The following DSCAML1 variants were observed in gnomAD, a reference collection of about 807,000 sequenced individuals.
The protein encoded by DSCAML1 is cell adhesion molecule DSCAML1.
In DSCAML1, 38 loss-of-function variants were observed where a neutral mutation model predicts 200.5. The observed-to-expected ratio is 0.19, with a 90% CI of 0.15 to 0.25. The LOEUF (loss-of-function observed/expected upper bound fraction) is 0.25, where lower values mean the gene tolerates loss of function less well. Among genes scored for constraint, DSCAML1 ranks in the 10% least tolerant of loss-of-function variants. DSCAML1 has a pLI of 1.00. For synonymous variants in DSCAML1, 1,215 were observed against 1,165.0 expected (o/e 1.04, Z -0.87); for missense variants, 2,223 against 2,858.8 (o/e 0.78, Z 5.07).
At position 117,807,394 on chromosome 11, in the gene DSCAML1, G is replaced by C. The variant is rs897298443; in HGVS notation, c.-250+9996C>G. 2.6e-5 allele frequency among the ~76,000 whole-genome samples: 4 copies of C among 152,170 alleles called. No homozygotes were observed. The East Asian group carries it at 5.8e-4, about 22-fold the overall frequency. Reference sequence around the variant, plus strand: ...CCAGTACCTACTTCAGAATGATTTGGGGGGTGGGAGATCTCCTCTGCCTGG... The same window carrying C: ...CCAGTACCTACTTCAGAATGATTTGCGGGGTGGGAGATCTCCTCTGCCTGG... On this transcript the variant is annotated intron_variant, in intron 1 of 2. Transcript: ENST00000525836.
chr11:117,720,141 G>A (rs2054018015), intron 3 of DSCAML1, among the ~76,000 whole-genome samples: 1 of 152,074 alleles, frequency 6.6e-6, no homozygotes, highest in African/African-American at 2.4e-5. Flanking sequence ...GGCATGCCCA[G>A]AATAGGAGCA....
Position 117,480,486 on chromosome 11 carries a change from G to C in DSCAML1, c.2742C>G (p.Asn914Lys). 1 of 1,612,902 alleles carries C rather than the reference G, an allele frequency of 6.2e-7. No individual in the cohort carries two copies. The highest frequency in any genetic ancestry group is 8.5e-7 in the Non-Finnish European group (1 of 1,179,586). Residue 914 changes from asparagine (N) to lysine (K), a missense_variant, in exon 14 of 33, where the codon AAC (asparagine) becomes AAG (lysine). Physicochemically the swap from Asn to Lys is moderately conservative, Grantham distance 94 (BLOSUM62 0). This residue lies in a region of DSCAML1 where 438 missense variants were observed against 629.7 expected (regional missense o/e 0.70). Coordinates refer to ENST00000651296, the MANE Select transcript of DSCAML1 (RefSeq NM_020693.4). This position sits in a 1 kb window ranked among gnomAD's most constrained non-coding sequence, Gnocchi z 4.1. ...CAATGTCGAAGCCCGTGATGATGCT[G>C]TTCCCGTCGAATCGCTGGGTCCAGC... Reference protein sequence around the residue: ...NLRWTQRFDGNSIITGFDIEY... With the variant: ...NLRWTQRFDGKSIITGFDIEY...
intron 1 of DSCAML1, among the ~76,000 whole-genome samples, chr11:117,808,441 T>G (rs1258808253): frequency 6.6e-6 from 1 of 152,112 alleles, no homozygotes; most frequent in Non-Finnish European, 1.5e-5. Context: ...TGCTATCCCC[T>G]GAGAGCATTT....
chr11:117,670,748 T>C (rs2053088346), intron 3 of DSCAML1, among the ~76,000 whole-genome samples: 1 of 152,180 alleles, frequency 6.6e-6, no homozygotes, highest in South Asian at 2.1e-4. Flanking sequence ...ACTTCTATTG[T>C]AGTCCGGTTT....
chr11:117,781,054 T>C (rs1382628748), intron 1 of DSCAML1, among the ~76,000 whole-genome samples: 2 of 152,120 alleles, frequency 1.3e-5, no homozygotes, highest in Non-Finnish European at 1.5e-5. Flanking sequence ...TCCAGCACTT[T>C]GGGAGGCCGA....
At chr11:117,816,791 G>A (rs1356580407) in intron 1 of DSCAML1, among the ~76,000 whole-genome samples, 1 of 107,138 alleles carries the variant, frequency 9.3e-6, no homozygotes, top group Non-Finnish European at 2.1e-5. Context: ...AGAGAGTTCG[G>A]AATTGCTGGG....
chr11:117,769,540 TA>T (rs368897521), intron 3 of DSCAML1, among the ~76,000 whole-genome samples: 4,972 of 10,306 alleles, frequency 0.48, 734 homozygotes, highest in South Asian at 0.59. Flanking sequence ...TTATATATAT[TA>T]TATATTTTAT....
At chr11:117,669,056 A>C (rs2282549) in intron 3 of DSCAML1, among the ~76,000 whole-genome samples, 20,109 of 152,078 alleles carry the variant, frequency 0.13, 1,480 homozygotes, top group East Asian at 0.33. Flanking sequence ...CACTCCTATG[A>C]ATATATTTGT....
chr11:117,775,456 G>T (rs1341981089), intron 3 of DSCAML1, among the ~76,000 whole-genome samples: 5 of 152,122 alleles, frequency 3.3e-5, no homozygotes, highest in African/African-American at 1.2e-4. Flanking sequence ...TTTTACAAAA[G>T]ACAGGAGGAG....
At chr11:117,704,285 T>A (rs867804243) in intron 3 of DSCAML1, among the ~76,000 whole-genome samples, 2 of 152,096 alleles carry the variant, frequency 1.3e-5, no homozygotes, top group Admixed American at 6.5e-5. Context: ...CTCAGACTTA[T>A]TCCTTGAAAA....
In DSCAML1 at chr11:117,518,321, A is replaced by G; in HGVS notation, c.1510+145T>C. 7.2e-6 allele frequency: 8 copies of G among 1,108,456 alleles called. No individual in the cohort carries two copies. Among genetic ancestry groups the G allele is most frequent in the South Asian group, 1.4e-5 (1 of 71,084 alleles). 68.7% of individuals were successfully genotyped at this position (1,108,456 alleles called of 1,614,324 possible). A position where few individuals can be genotyped will look rare whatever the true frequency, so the allele number is the denominator to read the frequency against. On this transcript the variant is annotated intron_variant, in intron 7 of 32. Coordinates refer to ENST00000651296, the MANE Select transcript of DSCAML1 (RefSeq NM_020693.4). This position sits in a 1 kb window ranked among gnomAD's most constrained non-coding sequence, Gnocchi z 6.3. ...GATGGCGCTTGAGGAGGGCAGGAAA[A>G]GGGGACGAGAGAGGGGAGAGAGACC...
chr11:117,561,749 G>GC (rs1245917716), intron 3 of DSCAML1, among the ~76,000 whole-genome samples: 2 of 152,340 alleles, frequency 1.3e-5, no homozygotes, highest in African/African-American at 4.8e-5. Flanking sequence ...AGGGCAGGAT[G>GC]CCCCTCGTAC....
rs768048005 is a variant in DSCAML1, at chr11:117,431,757, C to A, written c.5180-29G>T. 20 of 1,503,390 alleles carry A rather than the reference C, an allele frequency of 1.3e-5. No individual in the cohort carries two copies. The South Asian group carries it at 2.4e-4, about 18-fold the overall frequency. The allele number at this position is 1,503,390 out of a possible 1,614,324, so 93.1% of individuals were successfully genotyped here. On this transcript the variant is annotated intron_variant, in intron 30 of 32. Coordinates refer to ENST00000651296, the MANE Select transcript of DSCAML1 (RefSeq NM_020693.4). ...CACAGACAGAAGCAAGAAATTGCAT[C>A]CTCCAACCAAAGGCACCCAGGCTTG...
intron 3 of DSCAML1, among the ~76,000 whole-genome samples, chr11:117,560,874 A>G (rs1339432258): frequency 6.6e-6 from 1 of 152,240 alleles, no homozygotes; most frequent in Non-Finnish European, 1.5e-5. Flanking sequence ...TGCATAATTA[A>G]TGAGGCAGTA....
intron 3 of DSCAML1, among the ~76,000 whole-genome samples, chr11:117,558,101 C>T (rs750734634): frequency 1.3e-5 from 2 of 151,968 alleles, no homozygotes; most frequent in Non-Finnish European, 2.9e-5. Flanking sequence ...GCAGAAAAGA[C>T]GGGGATGGGC....
At chr11:117,683,437 G>A (rs17121080) in intron 3 of DSCAML1, among the ~76,000 whole-genome samples, 5,988 of 152,284 alleles carry the variant, frequency 0.039, 217 homozygotes, top group African/African-American at 0.098. Flanking sequence ...GAGGAGAGCC[G>A]AGTTCAGTCA....
At chr11:117,450,714 T>C in intron 19 of DSCAML1, 26 bp from the exon 20 acceptor site, 1 of 1,607,314 alleles carries the variant, frequency 6.2e-7, no homozygotes, top group East Asian at 2.2e-5. Context: ...GCCTGGTCAG[T>C]TGAGAGAAAG....
Position 117,458,878 on chromosome 11 carries a change from C to T in DSCAML1, c.3444G>A (p.Thr1148=), listed in dbSNP as rs143206461. 2.8e-5 allele frequency: 45 copies of T among 1,613,888 alleles called. No homozygotes were observed. Among genetic ancestry groups the T allele is most frequent in the South Asian group, 9.9e-5 (9 of 91,092 alleles). ...TGCCCCGCAGCTCCACCCGCTCCCGCGTGGTGGTGATGTTCTGCATCTCGC... is the reference window on the plus strand; with the variant it reads ...TGCCCCGCAGCTCCACCCGCTCCCGTGTGGTGGTGATGTTCTGCATCTCGC... ...EWGEMQNITT[T]RERVELRGME... Residue 1148 remains threonine, a synonymous_variant, in exon 19 of 33, where the codon ACG becomes ACA. Coordinates refer to ENST00000651296, the MANE Select transcript of DSCAML1 (RefSeq NM_020693.4).
At chr11:117,481,894 A>T in intron 12 of DSCAML1, 69 bp downstream of exon 12, 3 of 1,585,522 alleles carry the variant, frequency 1.9e-6, no homozygotes, top group Non-Finnish European at 2.6e-6. Flanking sequence ...CTGGATGCAG[A>T]TGTGATAGCT....
Sources: gnomAD v4.1 joint callset for allele counts (sites outside exome capture counted in the v4.1 genomes callset) on GRCh38, gnomAD v4.1.1 for gene constraint, gnomAD v4.1.1 regional missense constraint, Gnocchi (gnomAD v3.1) non-coding constraint, MANE v1.5 for transcripts, NCBI Gene and HGNC (gene_info 2026-07-23, HGNC 2026-07-21) for gene names.